UMAD1: variants seen among roughly 807,000 people sequenced by gnomAD.
UMAD1 encodes the protein UBAP1-MVB12-associated (UMA)-domain containing protein 1.
Under a neutral mutation model 6.1 loss-of-function variants are expected in UMAD1, and 8 were observed. The ratio of observed to expected loss-of-function variants is 1.30; its 90% CI spans 0.76 to 2.35. The LOEUF (loss-of-function observed/expected upper bound fraction) is 2.35, where lower values mean the gene tolerates loss of function less well. UMAD1 is among the 30% of genes most tolerant of loss of function. The pLI, the probability that UMAD1 is intolerant of heterozygous loss-of-function variation, is 0.00. For missense variants in UMAD1, 130 were observed against 78.4 expected (o/e 1.66, Z -2.49); for synonymous variants, 56 against 31.4 (o/e 1.78, Z -2.61).
intron 3 of UMAD1, among the ~76,000 whole-genome samples, chr7:7,833,196 C>T (rs1228373720): frequency 6.6e-6 from 1 of 152,060 alleles, no homozygotes; most frequent in Non-Finnish European, 1.5e-5. Context: ...TAGAGCTGGG[C>T]TGTGAAATCG....
chr7:7,748,913 C>T lies in UMAD1; in HGVS notation c.83-52757C>T, dbSNP rs139086516. 6.9e-4 allele frequency among the ~76,000 whole-genome samples: 104 copies of T among 150,282 alleles called. 1 individual carries two copies. Among genetic ancestry groups the T allele is most frequent in the Middle Eastern group, 3.4e-3 (1 of 290 alleles). On this transcript the variant is annotated intron_variant, in intron 2 of 3. Transcript: ENST00000682710. Reference sequence around the variant, plus strand: ...AATCTAAGAACTGCCAAACTTCTCACACTCCTAATTCCCTCTTTTATCCCT... The same window carrying T: ...AATCTAAGAACTGCCAAACTTCTCATACTCCTAATTCCCTCTTTTATCCCT...
At chr7:7,703,583 T>C (rs2115158010) in intron 2 of UMAD1, among the ~76,000 whole-genome samples, 1 of 152,186 alleles carries the variant, frequency 6.6e-6, no homozygotes, top group East Asian at 1.9e-4. Flanking sequence ...TACAGGCACT[T>C]ACAACACAGG....
At chr7:7,717,875 A>G (rs1039648848) in intron 2 of UMAD1, among the ~76,000 whole-genome samples, 1 of 152,218 alleles carries the variant, frequency 6.6e-6, no homozygotes, top group Admixed American at 6.5e-5. Context: ...AAATTGACAC[A>G]TTATGTCATG....
In UMAD1 at chr7:7,830,002, G is replaced by C. The variant is rs1015787257; in HGVS notation, c.156+28259G>C. On this transcript the variant is annotated intron_variant, in intron 3 of 3. Transcript: ENST00000682710. The surrounding 1 kb of genome is among the most constrained non-coding windows in gnomAD (Gnocchi z 5.3). ...CATTGGATTTACTACAGAGTCTTCC[G>C]ACAAACCTTCTTCCTTCTGACTTTT... 5.9e-5 allele frequency among the ~76,000 whole-genome samples: 9 copies of C among 152,116 alleles called. No homozygotes were observed. Among genetic ancestry groups the C allele is most frequent in the Admixed American group, 4.6e-4 (7 of 15,264 alleles).
At chr7:7,781,617 A>G (rs907307496) in intron 2 of UMAD1, among the ~76,000 whole-genome samples, 5 of 152,062 alleles carry the variant, frequency 3.3e-5, no homozygotes, top group Admixed American at 2.0e-4. Flanking sequence ...CTTAAAATTT[A>G]AAAATTTTAT....
chr7:7,771,403 G>C (rs1439817191), intron 2 of UMAD1, among the ~76,000 whole-genome samples: 5 of 152,086 alleles, frequency 3.3e-5, no homozygotes, highest in African/African-American at 1.2e-4. Context: ...TGGTTAGGGG[G>C]TGCCATCGCT....
rs182196712 is a variant in UMAD1 at position 7,830,131 on chromosome 7, G to T, written c.156+28388G>T. On this transcript the variant is annotated intron_variant, in intron 3 of 3. Coordinates refer to ENST00000682710, the MANE Select transcript of UMAD1 (RefSeq NM_001302348.2). The surrounding 1 kb of genome is among the most constrained non-coding windows in gnomAD (Gnocchi z 5.3). ...CCCTCAAAAATCTACTATGTTATTT[G>T]TTCCTTAAGAGGCATTTGCCAGTGG... is the stretch of plus-strand genomic sequence containing the variant. 3.0e-3 allele frequency among the ~76,000 whole-genome samples: 450 copies of T among 152,222 alleles called. 2 individuals carry two copies. The highest frequency in any genetic ancestry group is 3.2e-3 in the Non-Finnish European group (221 of 68,004).
chr7:7,654,083 T>A (rs1226802915), intron 1 of UMAD1, among the ~76,000 whole-genome samples: 1 of 152,218 alleles, frequency 6.6e-6, no homozygotes, highest in East Asian at 1.9e-4. Flanking sequence ...AGTCATTTCT[T>A]ATCACTGCTA....
At chr7:7,665,605 G>A (rs4725014) in intron 1 of UMAD1, among the ~76,000 whole-genome samples, 94,087 of 151,808 alleles carry the variant, frequency 0.62, 29,374 homozygotes, top group East Asian at 0.8. Flanking sequence ...TGCTGAAACA[G>A]TCACTGCTGT....
Position 7,744,227 on chromosome 7 carries a change from C to G in UMAD1, c.83-57443C>G, listed in dbSNP as rs143809836. The stretch of plus-strand genomic sequence containing the variant: ...CTTCTTTTTTGTTTTCAAGACCTCT[C>G]TATGTTGGAGCAGATATCATTACTT... On this transcript the variant is annotated intron_variant, in intron 2 of 3. Transcript: ENST00000682710. 1.7e-3 allele frequency among the ~76,000 whole-genome samples: 257 copies of G among 152,256 alleles called. 2 individuals carry two copies. The highest frequency in any genetic ancestry group is 5.8e-3 in the African/African-American group (243 of 41,558).
In UMAD1 at chr7:7,878,155, A is replaced by C. The variant is rs1265660902; in HGVS notation, c.*617A>C. The C allele has an allele frequency of 6.6e-6, 1 of 152,598 alleles. No individual in the cohort carries two copies. The highest frequency in any genetic ancestry group is 1.5e-5 in the Non-Finnish European group (1 of 68,352). 9.5% of individuals were successfully genotyped at this position (152,598 alleles called of 1,614,324 possible). A position where few individuals can be genotyped will look rare whatever the true frequency, so the allele number is the denominator to read the frequency against. Reference sequence around the variant, plus strand: ...ATTTCGGTTTTCTGAAACCCATGGCAGCCCTTTCCATCGTGAATAATCGTT... The same window carrying C: ...ATTTCGGTTTTCTGAAACCCATGGCCGCCCTTTCCATCGTGAATAATCGTT... On this transcript the variant is annotated 3_prime_UTR_variant, in exon 4 of 4. Transcript: ENST00000682710.
chr7:7,753,273 C>A (rs1295600167), intron 2 of UMAD1, among the ~76,000 whole-genome samples: 3 of 152,104 alleles, frequency 2.0e-5, no homozygotes, highest in African/African-American at 7.2e-5. Context: ...CTTTGTGTTA[C>A]GAACAATTCA....
chr7:7,834,547 T>A (rs777424489), intron 3 of UMAD1, among the ~76,000 whole-genome samples: 1 of 152,178 alleles, frequency 6.6e-6, no homozygotes, highest in Non-Finnish European at 1.5e-5. Flanking sequence ...ATCAAGATTC[T>A]GGCCAATTCG....
At chr7:7,870,662 AG>A (rs1784316205) in intron 3 of UMAD1, among the ~76,000 whole-genome samples, 1 of 152,178 alleles carries the variant, frequency 6.6e-6, no homozygotes, top group African/African-American at 2.4e-5. Context: ...TATAGGCTGT[AG>A]GGTCCTTGAA....
At chr7:7,855,805 T>C (rs1784006776) in intron 3 of UMAD1, among the ~76,000 whole-genome samples, 1 of 152,226 alleles carries the variant, frequency 6.6e-6, no homozygotes, top group African/African-American at 2.4e-5. Context: ...TGGATGCATA[T>C]TTTTCAAACT....
At chr7:7,816,119 T>G (rs1783119819) in intron 3 of UMAD1, among the ~76,000 whole-genome samples, 1 of 152,132 alleles carries the variant, frequency 6.6e-6, no homozygotes. Context: ...ACAGACGAGG[T>G]AGGCAATATT....
chr7:7,788,334 G>T (rs75901447), intron 2 of UMAD1, among the ~76,000 whole-genome samples: 2,042 of 152,206 alleles, frequency 0.013, 21 homozygotes, highest in Non-Finnish European at 0.02. Flanking sequence ...AATCTGGGTT[G>T]GGGAATATTT....
intron 3 of UMAD1, among the ~76,000 whole-genome samples, chr7:7,803,860 T>A (rs1482495072): frequency 6.6e-6 from 1 of 152,090 alleles, no homozygotes; most frequent in Non-Finnish European, 1.5e-5. Context: ...ACATACGAAT[T>A]TTGGAGGGAC....
chr7:7,661,086 T>G (rs996543505), intron 1 of UMAD1, among the ~76,000 whole-genome samples: 2 of 152,188 alleles, frequency 1.3e-5, no homozygotes, highest in South Asian at 4.1e-4. Flanking sequence ...CTGATATCCT[T>G]TCTTCCACTT....
Sources: allele counts gnomAD v4.1 joint callset (sites outside exome capture counted in the v4.1 genomes callset), GRCh38; gene constraint gnomAD v4.1.1; non-coding constraint Gnocchi (gnomAD v3.1); transcripts MANE v1.5; gene names NCBI Gene and HGNC (gene_info 2026-07-23, HGNC 2026-07-21).